RBMS3: variants seen among roughly 807,000 people sequenced by gnomAD.
The protein encoded by RBMS3 is RNA binding motif single stranded interacting protein 3.
A neutral mutation model predicts 66.8 loss-of-function variants in RBMS3; 27 were observed. The ratio of observed to expected loss-of-function variants is 0.40; its 90% CI spans 0.30 to 0.56. The LOEUF (loss-of-function observed/expected upper bound fraction) is 0.56. Among genes scored for constraint, RBMS3 ranks in the 20% least tolerant of loss-of-function variants. RBMS3 has a pLI of 0.40. For missense variants in RBMS3, 513 were observed against 549.5 expected (o/e 0.93, Z 0.66); for synonymous variants, 188 against 183.0 (o/e 1.03, Z -0.22).
At chr3:29,683,563 C>A (rs1351311828) in intron 4 of RBMS3, among the ~76,000 whole-genome samples, 11 of 152,122 alleles carry the variant, frequency 7.2e-5, no homozygotes, top group Non-Finnish European at 1.2e-4. Context: ...CTCATGCTAA[C>A]TCCTGGCTAG....
intron 4 of RBMS3, among the ~76,000 whole-genome samples, chr3:29,627,825 A>T (rs1278989153): frequency 6.6e-6 from 1 of 152,132 alleles, no homozygotes; most frequent in Non-Finnish European, 1.5e-5. Flanking sequence ...AGCAAGAAAG[A>T]TAAGTGGTTA....
At chr3:29,672,402 C>T (rs150082423) in intron 4 of RBMS3, among the ~76,000 whole-genome samples, 154 of 152,240 alleles carry the variant, frequency 1.0e-3, no homozygotes, top group African/African-American at 3.4e-3. Context: ...AACCAGCTAA[C>T]GTCATAATGA....
intron 4 of RBMS3, among the ~76,000 whole-genome samples, chr3:29,596,491 A>G (rs1042018763): frequency 6.6e-6 from 1 of 152,226 alleles, no homozygotes; most frequent in Non-Finnish European, 1.5e-5. Flanking sequence ...TGAATAGGTT[A>G]AGTGCTTTTA....
At chr3:29,840,695 T>A (rs1300858146) in intron 6 of RBMS3, among the ~76,000 whole-genome samples, 3 of 152,090 alleles carry the variant, frequency 2.0e-5, no homozygotes, top group Non-Finnish European at 4.4e-5. Context: ...AGATATATTT[T>A]ATTTTTGTAC....
At chr3:29,556,175 C>G (rs895255791) in intron 3 of RBMS3, among the ~76,000 whole-genome samples, 7 of 151,976 alleles carry the variant, frequency 4.6e-5, no homozygotes, top group African/African-American at 1.7e-4. Flanking sequence ...TTTGAAAAGA[C>G]AAAATTATTT....
At chr3:29,935,091 TTAAA>T (rs1205178436) in intron 10 of RBMS3, among the ~76,000 whole-genome samples, 2 of 152,144 alleles carry the variant, frequency 1.3e-5, no homozygotes, top group African/African-American at 4.8e-5. Context: ...ATCACAATCT[TTAAA>T]TAAACATTGA....
chr3:29,479,477 G>A (rs2125816037), intron 2 of RBMS3, among the ~76,000 whole-genome samples: 1 of 151,778 alleles, frequency 6.6e-6, no homozygotes, highest in African/African-American at 2.4e-5. Flanking sequence ...TTAAAATGAA[G>A]GTCTCATTGA....
intron 4 of RBMS3, among the ~76,000 whole-genome samples, chr3:29,638,839 G>C (rs1246325560): frequency 6.6e-6 from 1 of 151,740 alleles, no homozygotes; most frequent in Non-Finnish European, 1.5e-5. Flanking sequence ...ACTGTATTAG[G>C]TATATTTTTG....
intron 3 of RBMS3, among the ~76,000 whole-genome samples, chr3:29,508,158 A>G (rs1277565912): frequency 1.3e-5 from 2 of 152,126 alleles, no homozygotes; most frequent in Admixed American, 6.6e-5. Flanking sequence ...CACCAGAAAT[A>G]GTGTACATTT....
chr3:29,750,413 T>G (rs2055120978), intron 5 of RBMS3, among the ~76,000 whole-genome samples: 1 of 152,188 alleles, frequency 6.6e-6, no homozygotes, highest in Non-Finnish European at 1.5e-5. Flanking sequence ...TTTAATTATT[T>G]TTATGGCATA....
chr3:29,987,566 A>C (rs1698514490), intron 12 of RBMS3, among the ~76,000 whole-genome samples: 3 of 152,210 alleles, frequency 2.0e-5, no homozygotes, highest in South Asian at 4.1e-4. Context: ...GGAACAATAG[A>C]GACTTCAATA....
chr3:29,779,725 A>ATATATATATAT (rs1301512844), intron 6 of RBMS3, among the ~76,000 whole-genome samples: 20 of 144,892 alleles, frequency 1.4e-4, no homozygotes, highest in South Asian at 2.1e-4. Context: ...ATATATATAT[A>ATATATATATAT]AACAACCCCA....
At chr3:29,329,398 G>A (rs2035521005) in intron 1 of RBMS3, among the ~76,000 whole-genome samples, 1 of 152,026 alleles carries the variant, frequency 6.6e-6, no homozygotes. Flanking sequence ...TCTAAGATAA[G>A]AATCAAAAAT....
At chr3:29,704,082 A>C (rs2052760102) in intron 4 of RBMS3, among the ~76,000 whole-genome samples, 1 of 152,198 alleles carries the variant, frequency 6.6e-6, no homozygotes, top group Non-Finnish European at 1.5e-5. Flanking sequence ...GTTGCAGGAA[A>C]ACAAGCTCAG....
intron 12 of RBMS3, among the ~76,000 whole-genome samples, chr3:29,949,362 G>A (rs916632283): frequency 6.6e-6 from 1 of 151,714 alleles, no homozygotes; most frequent in Admixed American, 6.6e-5. Context: ...TGCCACTGTA[G>A]CATGAAAGCA....
chr3:29,790,212 A>G (rs2056955579), intron 6 of RBMS3, among the ~76,000 whole-genome samples: 1 of 152,194 alleles, frequency 6.6e-6, no homozygotes. Flanking sequence ...TTAAAAATCT[A>G]TTCTAAAATA....
At chr3:29,396,294 A>G (rs948219857) in intron 1 of RBMS3, among the ~76,000 whole-genome samples, 24 of 152,174 alleles carry the variant, frequency 1.6e-4, no homozygotes, top group African/African-American at 5.8e-4. Flanking sequence ...ATTTTTAAAA[A>G]ATGTCAATAT....
chr3:29,385,844 G>C (rs553753021), intron 1 of RBMS3, among the ~76,000 whole-genome samples: 1 of 152,120 alleles, frequency 6.6e-6, no homozygotes, highest in African/African-American at 2.4e-5. Flanking sequence ...TGGGTCGTTT[G>C]TTCCTATTTT....
chr3:29,979,202 A>C (rs1697807691), intron 12 of RBMS3, among the ~76,000 whole-genome samples: 1 of 152,144 alleles, frequency 6.6e-6, no homozygotes, highest in African/African-American at 2.4e-5. Flanking sequence ...ACTGGAGTTT[A>C]TCCTCGTTAT....
Sources: gnomAD v4.1 joint callset for allele counts (sites outside exome capture counted in the v4.1 genomes callset) on GRCh38, gnomAD v4.1.1 for gene constraint, MANE v1.5 for transcripts, NCBI Gene and HGNC (gene_info 2026-07-23, HGNC 2026-07-21) for gene names.